Variants in PDE4D observed in about 807,000 individuals in gnomAD.
PDE4D encodes 3',5'-cyclic-AMP phosphodiesterase 4D.
A neutral mutation model predicts 87.4 loss-of-function variants in PDE4D; 24 were observed. The ratio of observed to expected loss-of-function variants is 0.27; its 90% CI spans 0.20 to 0.39. The LOEUF (loss-of-function observed/expected upper bound fraction) is 0.39, where lower values mean the gene tolerates loss of function less well. Ranked by LOEUF, PDE4D falls within the 10% of genes least tolerant of loss-of-function variation. The pLI is 1.00. For missense variants in PDE4D, 714 were observed against 1,041.0 expected (o/e 0.69, Z 4.32); for synonymous variants, 384 against 383.2 (o/e 1.00, Z -0.02).
At chr5:59,610,389 G>C (rs1828828500) in intron 1 of PDE4D, among the ~76,000 whole-genome samples, 1 of 152,156 alleles carries the variant, frequency 6.6e-6, no homozygotes, top group Admixed American at 6.5e-5. Context: ...TTAATTATGT[G>C]TTTGTTACAA....
intron 1 of PDE4D, among the ~76,000 whole-genome samples, chr5:60,312,685 T>C (rs1162378451): frequency 6.6e-6 from 1 of 152,158 alleles, no homozygotes; most frequent in East Asian, 1.9e-4. Context: ...GGTCCCACCC[T>C]TGACGTGGGG....
At chr5:59,114,726 G>T (rs558340759) in intron 5 of PDE4D, among the ~76,000 whole-genome samples, 2 of 152,216 alleles carry the variant, frequency 1.3e-5, no homozygotes, top group African/African-American at 4.8e-5. Flanking sequence ...AGGTTTTTGA[G>T]AGGGATACAC....
At chr5:59,760,534 C>T (rs1397963629) in intron 1 of PDE4D, among the ~76,000 whole-genome samples, 2 of 152,126 alleles carry the variant, frequency 1.3e-5, no homozygotes, top group African/African-American at 4.8e-5. Flanking sequence ...GAACATTTTC[C>T]TCCATTCAGT....
At chr5:59,029,416 CAAAAAA>C (rs34120574) in intron 6 of PDE4D, among the ~76,000 whole-genome samples, 5 of 87,036 alleles carry the variant, frequency 5.7e-5, no homozygotes, top group East Asian at 4.1e-4. Flanking sequence ...GACTCCATCA[CAAAAAA>C]AAAAAAAAAA....
At chr5:60,219,093 A>C (rs1744200121) in intron 1 of PDE4D, among the ~76,000 whole-genome samples, 2 of 152,162 alleles carry the variant, frequency 1.3e-5, no homozygotes, top group Non-Finnish European at 2.9e-5. Flanking sequence ...TTAAAGTACA[A>C]TAAACTTGAC....
chr5:59,426,213 A>G (rs1304791919), intron 1 of PDE4D, among the ~76,000 whole-genome samples: 1 of 152,226 alleles, frequency 6.6e-6, no homozygotes, highest in Non-Finnish European at 1.5e-5. Flanking sequence ...TGGAATTGTG[A>G]GAAAACAAAT....
At chr5:59,692,752 G>C (rs113985240) in intron 1 of PDE4D, among the ~76,000 whole-genome samples, 1 of 152,080 alleles carries the variant, frequency 6.6e-6, no homozygotes, top group Non-Finnish European at 1.5e-5. Flanking sequence ...GCATTTAAAG[G>C]TTCTGGCATC....
At chr5:60,453,319 A>T (rs1027011947) in intron 1 of PDE4D, among the ~76,000 whole-genome samples, 2 of 152,124 alleles carry the variant, frequency 1.3e-5, no homozygotes, top group Non-Finnish European at 2.9e-5. Context: ...AATTTATGTC[A>T]CAAAGGAGAG....
chr5:59,105,044 C>T (rs1483317125), intron 5 of PDE4D, among the ~76,000 whole-genome samples: 2 of 152,208 alleles, frequency 1.3e-5, no homozygotes, highest in African/African-American at 4.8e-5. Flanking sequence ...TTCTGTCGTG[C>T]TATCCAAATC....
At chr5:60,161,489 AAAC>A (rs967884989) in intron 2 of PDE4D, among the ~76,000 whole-genome samples, 11 of 152,124 alleles carry the variant, frequency 7.2e-5, no homozygotes, top group Non-Finnish European at 1.5e-4. Flanking sequence ...TACTCAAGCA[AAAC>A]AACATTTCAC....
intron 5 of PDE4D, among the ~76,000 whole-genome samples, chr5:59,129,985 TA>T (rs1193822256): frequency 2.0e-5 from 3 of 152,142 alleles, no homozygotes; most frequent in Non-Finnish European, 4.4e-5. Flanking sequence ...TAATGATTTT[TA>T]AAAAATAAAT....
chr5:59,781,896 A>T (rs990059086), intron 1 of PDE4D, among the ~76,000 whole-genome samples: 1 of 151,862 alleles, frequency 6.6e-6, no homozygotes, highest in Admixed American at 6.6e-5. Flanking sequence ...TAAGCTACCA[A>T]CGTTATATCA....
At chr5:59,701,727 A>G (rs1313065766) in intron 1 of PDE4D, among the ~76,000 whole-genome samples, 5 of 152,228 alleles carry the variant, frequency 3.3e-5, no homozygotes, top group African/African-American at 9.6e-5. Flanking sequence ...CAGCAAGACA[A>G]GAAGGCTGTG....
intron 1 of PDE4D, among the ~76,000 whole-genome samples, chr5:59,415,107 T>A (rs1793383728): frequency 6.6e-6 from 1 of 152,104 alleles, no homozygotes. Context: ...GAGAGGGTAG[T>A]GGCAGTGGAA....
At chr5:60,376,877 T>C (rs1761473195) in intron 1 of PDE4D, among the ~76,000 whole-genome samples, 2 of 152,348 alleles carry the variant, frequency 1.3e-5, no homozygotes, top group South Asian at 4.1e-4. Context: ...CAACCTCTGA[T>C]CCATGGTCCT....
chr5:60,319,431 C>A (rs1755980037), intron 1 of PDE4D, among the ~76,000 whole-genome samples: 1 of 152,162 alleles, frequency 6.6e-6, no homozygotes, highest in African/African-American at 2.4e-5. Flanking sequence ...TGGCTTCGAA[C>A]TTCCTCCTTT....
At chr5:59,230,280 T>C (rs1388930790) in intron 1 of PDE4D, among the ~76,000 whole-genome samples, 1 of 152,108 alleles carries the variant, frequency 6.6e-6, no homozygotes, top group Admixed American at 6.6e-5. Flanking sequence ...GATCAGTGAG[T>C]GTCACCTAGT....
intron 11 of PDE4D, among the ~76,000 whole-genome samples, chr5:58,986,425 G>A (rs921335664): frequency 6.6e-6 from 1 of 150,488 alleles, no homozygotes; most frequent in African/African-American, 2.5e-5. Context: ...TCCATCCATC[G>A]GCTGTGGACC....
intron 3 of PDE4D, among the ~76,000 whole-genome samples, chr5:59,911,529 T>G (rs941678597): frequency 8.5e-5 from 13 of 152,194 alleles, no homozygotes; most frequent in African/African-American, 1.9e-4. Flanking sequence ...TGAGTAATAA[T>G]AAGACTCTGG....
Sources: gnomAD v4.1 joint callset for allele counts (sites outside exome capture counted in the v4.1 genomes callset) on GRCh38, gnomAD v4.1.1 for gene constraint, MANE v1.5 for transcripts, NCBI Gene and HGNC (gene_info 2026-07-23, HGNC 2026-07-21) for gene names.